STAU2: variants seen among roughly 807,000 people sequenced by gnomAD.
The protein encoded by STAU2 is double-stranded RNA-binding protein Staufen homolog 2.
STAU2 carries 20 observed loss-of-function variants against 65.9 expected under a neutral mutation model. That is an observed-to-expected ratio of 0.30 (90% CI 0.21 to 0.44). STAU2 has a LOEUF of 0.44. Among genes scored for constraint, STAU2 ranks in the 20% least tolerant of loss-of-function variants. STAU2 has a pLI of 1.00. For synonymous variants in STAU2, 232 were observed against 233.9 expected, an observed-to-expected ratio of 0.99 and a Z score of 0.07; for missense variants, 558 against 683.9, an observed-to-expected ratio of 0.82 and a Z score of 2.05.
At chr8:73,471,680 T>C (rs1212573233) in intron 13 of STAU2, among the ~76,000 whole-genome samples, 1 of 151,752 alleles carries the variant, frequency 6.6e-6, no homozygotes, top group East Asian at 2.0e-4. Flanking sequence ...TAGCCGGGCA[T>C]GATGGCAGGT....
chr8:73,702,098 G>A (rs1820152178), intron 4 of STAU2, among the ~76,000 whole-genome samples: 1 of 152,126 alleles, frequency 6.6e-6, no homozygotes, highest in South Asian at 2.1e-4. Flanking sequence ...CAGGAAGGTT[G>A]AGGGGATGGG....
At chr8:73,512,542 T>G (rs10089007) in intron 13 of STAU2, among the ~76,000 whole-genome samples, 112,581 of 151,598 alleles carry the variant, frequency 0.74, 42,415 homozygotes, top group East Asian at 0.91. Flanking sequence ...TCATTTTTGG[T>G]TTTTTTTTAC....
chr8:73,453,070 G>A (rs1818885672), intron 13 of STAU2, among the ~76,000 whole-genome samples: 1 of 152,172 alleles, frequency 6.6e-6, no homozygotes, highest in African/African-American at 2.4e-5. Context: ...AAATGACTCT[G>A]ACTCGGTGTC....
chr8:73,701,774 T>C (rs894469559), intron 4 of STAU2, among the ~76,000 whole-genome samples: 1 of 152,164 alleles, frequency 6.6e-6, no homozygotes, highest in African/African-American at 2.4e-5. Context: ...AAAAGATATC[T>C]ACACTCCCAT....
chr8:73,687,312 T>TTTATATTTATATTTATAAA (rs1818945054), intron 5 of STAU2, among the ~76,000 whole-genome samples: 3 of 104,212 alleles, frequency 2.9e-5, no homozygotes, highest in Non-Finnish European at 5.8e-5. Context: ...ATAAATATAA[T>TTTATATTTATATTTATAAA]TTATATTTAT....
chr8:73,425,606 T>C (rs1463202239), intron 13 of STAU2, among the ~76,000 whole-genome samples: 1 of 152,172 alleles, frequency 6.6e-6, no homozygotes, highest in Non-Finnish European at 1.5e-5. Flanking sequence ...AGCTTCTCTT[T>C]AAGGATAGCA....
chr8:73,688,700 G>T lies in STAU2; in HGVS notation c.228C>A (p.Pro76=). ...TTTTGGGTGGCTTCTGAACTGGTTT[G>T]GGAAGCGTAGATTCAGTCAAAGCTT... ...ANKALTESTL[P]KPVQKPPKSN... is the part of the protein sequence containing the mutation. Residue 76 remains proline (P), a synonymous_variant, in exon 5 of 15, where the codon CCC becomes CCA. Coordinates refer to ENST00000524300, the MANE Select transcript of STAU2 (RefSeq NM_001164380.2). The T allele has an allele frequency of 6.2e-7, 1 of 1,614,102 alleles. No homozygotes were observed. Among genetic ancestry groups the T allele is most frequent in the Non-Finnish European group, 8.5e-7 (1 of 1,180,002 alleles).
intron 13 of STAU2, among the ~76,000 whole-genome samples, chr8:73,472,080 C>T (rs1479565044): frequency 2.6e-5 from 4 of 152,080 alleles, no homozygotes; most frequent in Admixed American, 6.5e-5. Context: ...AGAATGGATT[C>T]GCCTTTCATC....
intron 13 of STAU2, among the ~76,000 whole-genome samples, chr8:73,509,655 C>T (rs1037224959): frequency 3.3e-5 from 5 of 151,572 alleles, no homozygotes; most frequent in Non-Finnish European, 4.4e-5. Context: ...GGGTGTAAAT[C>T]GTAACTTTCT....
intron 12 of STAU2, among the ~76,000 whole-genome samples, chr8:73,575,720 T>C (rs1467509043): frequency 2.0e-5 from 3 of 152,084 alleles, no homozygotes; most frequent in African/African-American, 7.2e-5. Flanking sequence ...TTGAATAATA[T>C]ATATTTGAAT....
rs577118059 is a variant in STAU2 at position 73,449,807 on chromosome 8, G to A, written c.1531-27105C>T. Among the ~76,000 whole-genome samples, 3 of 152,310 alleles carry A rather than the reference G, an allele frequency of 2.0e-5. No homozygotes were observed. The East Asian group carries it at 5.8e-4, about 29-fold the overall frequency. On this transcript the variant is annotated intron_variant, in intron 13 of 14. Transcript: ENST00000524300. Reference sequence around the variant, plus strand: ...ACTCCTGAGGCCCAGGAGGGCTTAGGGTGGGGGTGAGGCGGGGAGACACCT... The same window carrying A: ...ACTCCTGAGGCCCAGGAGGGCTTAGAGTGGGGGTGAGGCGGGGAGACACCT...
intron 13 of STAU2, among the ~76,000 whole-genome samples, chr8:73,467,367 C>T (rs1819714237): frequency 6.6e-6 from 1 of 152,210 alleles, no homozygotes; most frequent in South Asian, 2.1e-4. Flanking sequence ...CCCGTCTCTA[C>T]TAAAAATACA....
intron 12 of STAU2, among the ~76,000 whole-genome samples, chr8:73,573,664 T>C (rs1809285590): frequency 6.6e-6 from 1 of 152,226 alleles, no homozygotes; most frequent in Non-Finnish European, 1.5e-5. Context: ...GGATTCCCTA[T>C]TCAACAAATG....
At chr8:73,471,817 T>TGAAAAAAAAA (rs1554594408) in intron 13 of STAU2, among the ~76,000 whole-genome samples, 2 of 86,808 alleles carry the variant, frequency 2.3e-5, no homozygotes, top group East Asian at 6.8e-4. Flanking sequence ...AGACTCCAAC[T>TGAAAAAAAAA]AAAAAAAAAA....
At chr8:73,568,503 T>A (rs950170021) in intron 12 of STAU2, among the ~76,000 whole-genome samples, 1 of 152,098 alleles carries the variant, frequency 6.6e-6, no homozygotes, top group Non-Finnish European at 1.5e-5. Context: ...CTTGAAAGGC[T>A]GAGGCAAGAG....
intron 13 of STAU2, among the ~76,000 whole-genome samples, chr8:73,514,430 C>A (rs1822593578): frequency 3.9e-5 from 6 of 152,188 alleles, no homozygotes; most frequent in Admixed American, 2.6e-4. Flanking sequence ...CTCAGCCTAC[C>A]TTTCAAGAAT....
At chr8:73,696,947 C>A (rs1819727425) in intron 4 of STAU2, among the ~76,000 whole-genome samples, 1 of 151,944 alleles carries the variant, frequency 6.6e-6, no homozygotes, top group South Asian at 2.1e-4. Context: ...ATCTAATTCC[C>A]TAAGGTCAAA....
intron 6 of STAU2, chr8:73,670,396 G>C (rs1817588638): frequency 6.6e-6 from 1 of 151,926 alleles, no homozygotes; most frequent in Admixed American, 6.6e-5. Flanking sequence ...AGACGGACTA[G>C]ATGCCACCAA....
chr8:73,721,371 G>A (rs576582828), intron 3 of STAU2, among the ~76,000 whole-genome samples: 1 of 145,650 alleles, frequency 6.9e-6, no homozygotes, highest in Non-Finnish European at 1.5e-5. Flanking sequence ...ATAAACTTGT[G>A]AACAAATACG....
Sources: gnomAD v4.1 joint callset for allele counts (sites outside exome capture counted in the v4.1 genomes callset) on GRCh38, gnomAD v4.1.1 for gene constraint, MANE v1.5 for transcripts, NCBI Gene and HGNC (gene_info 2026-07-23, HGNC 2026-07-21) for gene names.